The following VPS13B variants were observed in gnomAD, a reference collection of about 807,000 sequenced individuals.
The protein encoded by VPS13B is vacuolar protein sorting 13 homolog B.
In VPS13B, 285 loss-of-function variants were observed where a neutral mutation model predicts 426.4. That is an observed-to-expected ratio of 0.67 (90% CI 0.61 to 0.74). The LOEUF (loss-of-function observed/expected upper bound fraction) is 0.74, where lower values mean the gene tolerates loss of function less well. VPS13B is among the 30% of genes least tolerant of loss of function. The probability of loss-of-function intolerance (pLI) is 0.00; values close to 1 mark genes in which losing one functional copy is unlikely to be tolerated. For synonymous variants in VPS13B, 1,676 were observed against 1,676.4 expected (o/e 1.00, Z 0.01); for missense variants, 4,537 against 4,782.6 (o/e 0.95, Z 1.51).
At chr8:99,327,514 C>G (rs1810337504) in intron 19 of VPS13B, among the ~76,000 whole-genome samples, 1 of 152,102 alleles carries the variant, frequency 6.6e-6, no homozygotes, top group Non-Finnish European at 1.5e-5. Context: ...AGTCAACACA[C>G]ATAAGATATT....
chr8:99,035,197 C>A lies in VPS13B; in HGVS notation c.148-3226C>A, dbSNP rs189158012. Reference sequence around the variant, plus strand: ...GACCTTGTTTCTTAAAGAGAAATGACCATCTTAAGCACTTTTAAGTGTATA... The same window carrying A: ...GACCTTGTTTCTTAAAGAGAAATGAACATCTTAAGCACTTTTAAGTGTATA... On this transcript the variant is annotated intron_variant, in intron 2 of 61. Transcript: ENST00000357162. Among the ~76,000 whole-genome samples the A allele has an allele frequency of 3.1e-3, 468 of 152,202 alleles. 4 individuals carry two copies. Among genetic ancestry groups the A allele is most frequent in the Middle Eastern group, 6.8e-3 (2 of 294 alleles).
At chr8:99,736,472 G>T (rs1313058619) in intron 39 of VPS13B, among the ~76,000 whole-genome samples, 3 of 152,178 alleles carry the variant, frequency 2.0e-5, no homozygotes, top group South Asian at 4.1e-4. Flanking sequence ...TACTCAGGAG[G>T]CTGAGGCAGG....
intron 39 of VPS13B, among the ~76,000 whole-genome samples, chr8:99,744,831 G>A (rs993800222): frequency 5.4e-5 from 8 of 147,046 alleles, no homozygotes; most frequent in South Asian, 2.2e-4. Context: ...GGGGTGGGGG[G>A]AAGGGGGAGG....
chr8:99,522,011 A>C (rs751126184), intron 30 of VPS13B, among the ~76,000 whole-genome samples: 9 of 152,038 alleles, frequency 5.9e-5, no homozygotes, highest in Non-Finnish European at 1.2e-4. Context: ...CTTATATATA[A>C]TCTTAGGATT....
At chr8:99,169,750 A>G (rs1812218981) in intron 15 of VPS13B, among the ~76,000 whole-genome samples, 1 of 152,058 alleles carries the variant, frequency 6.6e-6, no homozygotes, top group Non-Finnish European at 1.5e-5. Flanking sequence ...ATAATAAAAC[A>G]CTACCTGAGG....
chr8:99,516,870 A>C (rs555087039), intron 29 of VPS13B, among the ~76,000 whole-genome samples: 2 of 151,648 alleles, frequency 1.3e-5, no homozygotes, highest in Non-Finnish European at 2.9e-5. Flanking sequence ...ATCTTGCTAC[A>C]TCATACTTTT....
At chr8:99,664,315 T>C (rs1588602081) in intron 35 of VPS13B, among the ~76,000 whole-genome samples, 1 of 99,936 alleles carries the variant, frequency 1.0e-5, no homozygotes, top group Non-Finnish European at 2.1e-5. Context: ...AGAAATGTAC[T>C]TTTTTTTTTT....
At chr8:99,372,978 G>T (rs1563693845) in intron 19 of VPS13B, among the ~76,000 whole-genome samples, 1 of 152,164 alleles carries the variant, frequency 6.6e-6, no homozygotes, top group Non-Finnish European at 1.5e-5. Flanking sequence ...GGAATACTAT[G>T]CAGTCACAAA....
Position 99,378,226 on chromosome 8 carries a change from G to A in VPS13B, c.2825-5982G>A, listed in dbSNP as rs558384264. The stretch of plus-strand genomic sequence containing the variant: ...TAATTCAGTGATATTCCTCTTACCC[G>A]TTTTCAGTAATAAGAGAAATATGGC... On this transcript the variant is annotated intron_variant, in intron 19 of 61. Transcript: ENST00000357162. Among the ~76,000 whole-genome samples the A allele has an allele frequency of 1.9e-3, 280 of 143,842 alleles. 1 individual carries two copies. The highest frequency in any genetic ancestry group is 6.7e-3 in the African/African-American group (259 of 38,568). 94.4% of individuals were successfully genotyped at this position (143,842 alleles called of 152,430 possible).
At chr8:99,760,541 T>C (rs1465849259) in intron 39 of VPS13B, among the ~76,000 whole-genome samples, 1 of 152,148 alleles carries the variant, frequency 6.6e-6, no homozygotes, top group Non-Finnish European at 1.5e-5. Flanking sequence ...GTGACACCAA[T>C]GACTTTTTTT....
At chr8:99,691,072 C>T (rs1831633433) in intron 35 of VPS13B, among the ~76,000 whole-genome samples, 1 of 152,026 alleles carries the variant, frequency 6.6e-6, no homozygotes, top group Admixed American at 6.6e-5. Flanking sequence ...ATGGATGAAC[C>T]TTGGAAGCAT....
chr8:99,066,773 C>T (rs1844542041), intron 3 of VPS13B, among the ~76,000 whole-genome samples: 1 of 152,110 alleles, frequency 6.6e-6, no homozygotes, highest in Admixed American at 6.5e-5. Context: ...GTCTAGTATC[C>T]AGAATCTGCA....
chr8:99,608,609 A>G (rs1827705550), intron 33 of VPS13B, among the ~76,000 whole-genome samples: 1 of 152,158 alleles, frequency 6.6e-6, no homozygotes, highest in African/African-American at 2.4e-5. Flanking sequence ...ATTCAATTTT[A>G]TAATTTTTTT....
intron 39 of VPS13B, among the ~76,000 whole-genome samples, chr8:99,759,031 T>C (rs1183813098): frequency 6.6e-6 from 1 of 152,120 alleles, no homozygotes; most frequent in East Asian, 1.9e-4. Flanking sequence ...TTTCTCTAAT[T>C]ATATTCTCCT....
intron 17 of VPS13B, among the ~76,000 whole-genome samples, chr8:99,223,957 T>C (rs1815874547): frequency 6.6e-6 from 1 of 152,216 alleles, no homozygotes; most frequent in African/African-American, 2.4e-5. Context: ...GTTGGTTTTT[T>C]AGGTCATTCA....
intron 37 of VPS13B, among the ~76,000 whole-genome samples, chr8:99,719,197 G>C (rs1050616585): frequency 6.6e-6 from 1 of 152,104 alleles, no homozygotes; most frequent in Non-Finnish European, 1.5e-5. Flanking sequence ...ACAATGATCT[G>C]TTTACATGAC....
chr8:99,354,659 T>G (rs1371389860), intron 19 of VPS13B, among the ~76,000 whole-genome samples: 1 of 152,172 alleles, frequency 6.6e-6, no homozygotes, highest in Non-Finnish European at 1.5e-5. Flanking sequence ...CTATTCAGAA[T>G]TCAAAGTTAT....
At chr8:99,516,997 A>G (rs1200194788) in intron 29 of VPS13B, among the ~76,000 whole-genome samples, 3 of 152,100 alleles carry the variant, frequency 2.0e-5, no homozygotes, top group Non-Finnish European at 4.4e-5. Context: ...ATTAATATGC[A>G]TAATGGTCAT....
chr8:99,046,408 G>T (rs1690334763), intron 3 of VPS13B, among the ~76,000 whole-genome samples: 1 of 151,724 alleles, frequency 6.6e-6, no homozygotes, highest in Non-Finnish European at 1.5e-5. Context: ...CATAAACTTT[G>T]TTGAATTTTT....
Sources: allele counts gnomAD v4.1 joint callset (sites outside exome capture counted in the v4.1 genomes callset), GRCh38; gene constraint gnomAD v4.1.1; transcripts MANE v1.5; gene names NCBI Gene and HGNC (gene_info 2026-07-23, HGNC 2026-07-21).